Variants in CCDC91 observed in about 807,000 individuals in gnomAD.
CCDC91 encodes coiled-coil domain containing 91, also known as coiled-coil domain-containing protein 91.
Under a neutral mutation model 63.2 loss-of-function variants are expected in CCDC91, and 48 were observed. The observed-to-expected ratio is 0.76, with a 90% CI of 0.60 to 0.97. The LOEUF is 0.97. Among genes scored for constraint, CCDC91 ranks in the 50% least tolerant of loss-of-function variants. The probability of loss-of-function intolerance (pLI) is 0.00; values close to 1 mark genes in which losing one functional copy is unlikely to be tolerated. For missense variants in CCDC91, 500 were observed against 494.6 expected, an observed-to-expected ratio of 1.01 and a Z score of -0.10; for synonymous variants, 167 against 165.8, an observed-to-expected ratio of 1.01 and a Z score of -0.06.
At chr12:28,512,587 TA>T (rs1342306561) in intron 12 of CCDC91, among the ~76,000 whole-genome samples, 1 of 151,852 alleles carries the variant, frequency 6.6e-6, no homozygotes, top group African/African-American at 2.4e-5. Context: ...TTTATTTACG[TA>T]TTATTTATGG....
At chr12:28,305,544 T>G in intron 3 of CCDC91, 105 bp from the exon 4 acceptor site, 2 of 975,186 alleles carry the variant, frequency 2.1e-6, no homozygotes, top group Non-Finnish European at 1.4e-6. Flanking sequence ...TTTCCTTACT[T>G]TTTTCTTTTC....
intron 12 of CCDC91, among the ~76,000 whole-genome samples, chr12:28,503,270 C>G (rs1459150057): frequency 6.6e-6 from 1 of 152,098 alleles, no homozygotes; most frequent in Non-Finnish European, 1.5e-5. Flanking sequence ...AAAAAGTGGG[C>G]GAAGGACATG....
At chr12:28,234,866 TTTTG>T (rs1944836944) in intron 1 of CCDC91, among the ~76,000 whole-genome samples, 2 of 152,104 alleles carry the variant, frequency 1.3e-5, no homozygotes, top group Non-Finnish European at 2.9e-5. Flanking sequence ...AAATTACAGT[TTTTG>T]TTTGTTATTT....
chr12:28,233,294 A>G (rs994232001), intron 1 of CCDC91, among the ~76,000 whole-genome samples: 7 of 152,072 alleles, frequency 4.6e-5, no homozygotes, highest in Admixed American at 6.6e-5. Flanking sequence ...TTTCTGTTAC[A>G]TATATTAGTT....
intron 12 of CCDC91, among the ~76,000 whole-genome samples, chr12:28,524,892 T>C (rs1340310345): frequency 6.6e-6 from 1 of 152,176 alleles, no homozygotes; most frequent in Non-Finnish European, 1.5e-5. Flanking sequence ...ATAAAGGTGT[T>C]CATAGTAGCT....
chr12:28,540,688 G>A (rs573082141), intron 12 of CCDC91, among the ~76,000 whole-genome samples: 16 of 152,120 alleles, frequency 1.1e-4, no homozygotes, highest in Non-Finnish European at 2.2e-4. Context: ...CATTGTAGAT[G>A]TCTCCAATGG....
At chr12:28,444,429 G>A (rs1949391704) in intron 8 of CCDC91, among the ~76,000 whole-genome samples, 1 of 152,134 alleles carries the variant, frequency 6.6e-6, no homozygotes, top group Non-Finnish European at 1.5e-5. Flanking sequence ...GATTGCATTT[G>A]GAGAATAGTA....
chr12:28,429,316 A>T (rs1948505183), intron 8 of CCDC91, among the ~76,000 whole-genome samples: 1 of 152,088 alleles, frequency 6.6e-6, no homozygotes, highest in South Asian at 2.1e-4. Flanking sequence ...TCTACTTTAT[A>T]TTTAGGCAGA....
At chr12:28,409,628 A>G (rs1947192013) in intron 8 of CCDC91, among the ~76,000 whole-genome samples, 1 of 152,086 alleles carries the variant, frequency 6.6e-6, no homozygotes, top group South Asian at 2.1e-4. Context: ...GTTTTAAAAT[A>G]GGGGCTTAGG....
chr12:28,395,078 A>C (rs1221353829), intron 8 of CCDC91, among the ~76,000 whole-genome samples: 1 of 152,178 alleles, frequency 6.6e-6, no homozygotes, highest in African/African-American at 2.4e-5. Context: ...TCTAATTTCT[A>C]GTCTTTAGAA....
At chr12:28,339,289 A>C (rs1327432460) in intron 6 of CCDC91, among the ~76,000 whole-genome samples, 1 of 152,166 alleles carries the variant, frequency 6.6e-6, no homozygotes, top group Non-Finnish European at 1.5e-5. Flanking sequence ...GAGGGAAGAA[A>C]ATGTTTGGAG....
At chr12:28,445,192 A>G (rs142507040) in intron 8 of CCDC91, among the ~76,000 whole-genome samples, 7 of 152,304 alleles carry the variant, frequency 4.6e-5, no homozygotes, top group East Asian at 1.9e-4. Context: ...TGACTATGCA[A>G]TCCTCCTAAC....
At chr12:28,483,938 C>A in intron 11 of CCDC91, 114 bp from the exon 12 acceptor site, 1 of 574,308 alleles carries the variant, frequency 1.7e-6, no homozygotes. Flanking sequence ...TAAAGGTACA[C>A]TTTGAATAGA....
intron 12 of CCDC91, among the ~76,000 whole-genome samples, chr12:28,501,466 A>G (rs1240323204): frequency 6.6e-6 from 1 of 152,018 alleles, no homozygotes; most frequent in Non-Finnish European, 1.5e-5. Flanking sequence ...TGACATAATC[A>G]TGTGGTTTTT....
At chr12:28,431,063 T>C (rs1196687708) in intron 8 of CCDC91, among the ~76,000 whole-genome samples, 7 of 152,180 alleles carry the variant, frequency 4.6e-5, no homozygotes, top group Admixed American at 3.9e-4. Context: ...CTCTTCATTG[T>C]TGAGTCTTAA....
chr12:28,481,584 A>T (rs1391439080), intron 11 of CCDC91, among the ~76,000 whole-genome samples: 1 of 152,034 alleles, frequency 6.6e-6, no homozygotes, highest in African/African-American at 2.4e-5. Context: ...TTCACATACC[A>T]CTTGCATACA....
intron 4 of CCDC91, 41 bp from the exon 5 acceptor site, chr12:28,306,701 A>G: frequency 7.0e-7 from 1 of 1,418,496 alleles, no homozygotes; most frequent in East Asian, 2.3e-5. Flanking sequence ...GTATAGTGTA[A>G]ACTTTCCTCT....
intron 1 of CCDC91, among the ~76,000 whole-genome samples, chr12:28,243,294 A>G (rs1367064210): frequency 2.0e-5 from 3 of 152,178 alleles, no homozygotes; most frequent in African/African-American, 7.2e-5. Flanking sequence ...CGTATAAGGT[A>G]GATATCTGGA....
intron 12 of CCDC91, among the ~76,000 whole-genome samples, chr12:28,527,255 G>A (rs1941340769): frequency 6.6e-6 from 1 of 152,148 alleles, no homozygotes; most frequent in South Asian, 2.1e-4. Flanking sequence ...AAGGTCTAGG[G>A]CTCAAGGCTC....
Sources: allele counts gnomAD v4.1 joint callset (sites outside exome capture counted in the v4.1 genomes callset), GRCh38; gene constraint gnomAD v4.1.1; transcripts MANE v1.5; gene names NCBI Gene and HGNC (gene_info 2026-07-23, HGNC 2026-07-21).